Variants in STK33 observed in about 807,000 individuals in gnomAD.
The protein encoded by STK33 is serine/threonine-protein kinase 33.
Under a neutral mutation model 58.0 loss-of-function variants are expected in STK33, and 52 were observed. The observed-to-expected ratio is 0.90, with a 90% CI of 0.72 to 1.13. STK33 has a LOEUF of 1.13. Among genes scored for constraint, STK33 ranks in the 50% most tolerant of loss-of-function variants. The pLI is 0.00. For synonymous variants in STK33, 215 were observed against 200.1 expected, an observed-to-expected ratio of 1.07 and a Z score of -0.63; for missense variants, 630 against 604.2, an observed-to-expected ratio of 1.04 and a Z score of -0.45.
intron 1 of STK33, among the ~76,000 whole-genome samples, chr11:8,520,427 C>T (rs1433436361): frequency 6.6e-6 from 1 of 152,070 alleles, no homozygotes; most frequent in African/African-American, 2.4e-5. Context: ...CCTTTGAAAA[C>T]TGGCACAAGA....
the STK33 span, among the ~76,000 whole-genome samples, chr11:8,382,560 G>A: frequency 9.8e-5 from 15 of 152,324 alleles, no homozygotes; most frequent in East Asian, 2.3e-3. Flanking sequence ...AGGCAAAGAA[G>A]TTAATGTGCC....
intron 1 of STK33, among the ~76,000 whole-genome samples, chr11:8,519,863 C>T (rs1316035048): frequency 2.0e-5 from 3 of 152,074 alleles, no homozygotes. Context: ...AGCCTACCAA[C>T]CAAAAAAAGT....
the STK33 span, among the ~76,000 whole-genome samples, chr11:8,370,835 G>C: frequency 6.6e-6 from 1 of 152,112 alleles, no homozygotes; most frequent in Non-Finnish European, 1.5e-5. Context: ...CTGGGAATTT[G>C]GTTCCTGGGC....
chr11:8,346,048 A>G, the STK33 span, among the ~76,000 whole-genome samples: 2 of 152,192 alleles, frequency 1.3e-5, no homozygotes, highest in Non-Finnish European at 2.9e-5. Context: ...AACAGATGGC[A>G]CCCTCAAACT....
At chr11:8,553,199 G>GATATAT in intron 1 of STK33, among the ~76,000 whole-genome samples, 2 of 60,984 alleles carry the variant, frequency 3.3e-5, no homozygotes, top group East Asian at 9.8e-4. Flanking sequence ...TATATATATG[G>GATATAT]TGTATATATA....
At chr11:8,449,272 C>T (rs1429429418) in intron 11 of STK33, among the ~76,000 whole-genome samples, 1 of 151,590 alleles carries the variant, frequency 6.6e-6, no homozygotes. Flanking sequence ...ACCCAGCCAT[C>T]CCATTACTGG....
intron 1 of STK33, among the ~76,000 whole-genome samples, chr11:8,574,011 G>A (rs1329186441): frequency 2.0e-5 from 3 of 152,164 alleles, no homozygotes; most frequent in Non-Finnish European, 4.4e-5. Flanking sequence ...CACAAAGTTC[G>A]TGGTTACACA....
At chr11:8,480,349 C>G (rs1949695495) in intron 2 of STK33, 61 bp downstream of exon 2, 1 of 152,180 alleles carries the variant, frequency 6.6e-6, no homozygotes, top group African/African-American at 2.4e-5. Context: ...ATGAATCACT[C>G]CCAACGATCA....
rs71059169 is a variant in STK33 at position 8,536,998 on chromosome 11, T to TTG, written c.-465-56385_-465-56384insCA. ...TTTTTTTTTTTTTTTTTTTTTTTTTTGTGACAGAGTTTCACTCTGTCACCC... is the reference window on the plus strand; with the variant it reads ...TTTTTTTTTTTTTTTTTTTTTTTTTTTGGTGACAGAGTTTCACTCTGTCACCC... On this transcript the variant is annotated intron_variant, in intron 1 of 15. Coordinates refer to ENST00000687296, the MANE Select transcript of STK33 (RefSeq NM_001352389.2). 2.9e-5 allele frequency among the ~76,000 whole-genome samples: 4 copies of TTG among 136,236 alleles called. 1 individual carries two copies. The highest frequency in any genetic ancestry group is 7.5e-5 in the Admixed American group (1 of 13,392). 89.4% of individuals were successfully genotyped at this position (136,236 alleles called of 152,430 possible). A position where few individuals can be genotyped will look rare whatever the true frequency, so the allele number is the denominator to read the frequency against.
At chr11:8,411,549 C>T (rs1445615201) in intron 15 of STK33, among the ~76,000 whole-genome samples, 4 of 152,102 alleles carry the variant, frequency 2.6e-5, no homozygotes, top group Non-Finnish European at 5.9e-5. Flanking sequence ...GTGTGATTAC[C>T]CTGGCTTTTG....
chr11:8,380,964 G>A, the STK33 span, among the ~76,000 whole-genome samples: 1 of 152,162 alleles, frequency 6.6e-6, no homozygotes, highest in African/African-American at 2.4e-5. Flanking sequence ...GTCTTTTGCA[G>A]CAATTTGGAT....
chr11:8,360,188 A>G, the STK33 span, among the ~76,000 whole-genome samples: 55 of 152,242 alleles, frequency 3.6e-4, no homozygotes, highest in African/African-American at 1.3e-3. Flanking sequence ...ACAACTCCAC[A>G]GTTTAGAGCA....
At chr11:8,530,137 C>T (rs1954405386) in intron 1 of STK33, among the ~76,000 whole-genome samples, 1 of 151,924 alleles carries the variant, frequency 6.6e-6, no homozygotes, top group African/African-American at 2.4e-5. Context: ...ACACAGTGTC[C>T]TGAAATCGAA....
chr11:8,534,566 C>CTGTGTGTGTGTG (rs1248207752), intron 1 of STK33, among the ~76,000 whole-genome samples: 22 of 106,396 alleles, frequency 2.1e-4, no homozygotes, highest in African/African-American at 3.3e-4. Flanking sequence ...CTCTCTCTCT[C>CTGTGTGTGTGTG]TCTGTGTGTG....
At chr11:8,464,678 C>CT in intron 7 of STK33, 31 bp downstream of exon 7, 1 of 1,500,274 alleles carries the variant, frequency 6.7e-7, no homozygotes, top group Non-Finnish European at 9.3e-7. Context: ...TAACACTGTG[C>CT]CCTCAGTAGG....
the STK33 span, among the ~76,000 whole-genome samples, chr11:8,376,773 C>A: frequency 1.3e-5 from 2 of 152,122 alleles, no homozygotes; most frequent in African/African-American, 4.8e-5. Context: ...ATCTCCTAAT[C>A]TCGTGATCCT....
At chr11:8,487,105 T>G (rs1053527440) in intron 1 of STK33, among the ~76,000 whole-genome samples, 1 of 152,042 alleles carries the variant, frequency 6.6e-6, no homozygotes, top group African/African-American at 2.4e-5. Context: ...AGGAGAAATC[T>G]AGGTAGAAAA....
intron 6 of STK33, among the ~76,000 whole-genome samples, chr11:8,469,634 A>T (rs574391257): frequency 6.6e-6 from 1 of 152,340 alleles, no homozygotes; most frequent in South Asian, 2.1e-4. Context: ...TTTTCAACTT[A>T]ATCTGCCCAG....
chr11:8,587,246 T>C (rs1157251157), intron 1 of STK33, among the ~76,000 whole-genome samples: 2 of 152,172 alleles, frequency 1.3e-5, no homozygotes, highest in African/African-American at 2.4e-5. Context: ...ATTAGAAAAT[T>C]TGAAAACATT....
Sources: gnomAD v4.1 joint callset for allele counts (sites outside exome capture counted in the v4.1 genomes callset) on GRCh38, gnomAD v4.1.1 for gene constraint, MANE v1.5 for transcripts, NCBI Gene and HGNC (gene_info 2026-07-23, HGNC 2026-07-21) for gene names.